The following INPP4B variants were observed in gnomAD, a reference collection of about 807,000 sequenced individuals.
The protein encoded by INPP4B is inositol polyphosphate 4-phosphatase type II.
A neutral mutation model predicts 122.5 loss-of-function variants in INPP4B; 55 were observed. The observed-to-expected ratio is 0.45, with a 90% CI of 0.36 to 0.56. The LOEUF is 0.56. Among genes scored for constraint, INPP4B ranks in the 20% least tolerant of loss-of-function variants. The probability of loss-of-function intolerance (pLI) is 0.00; values close to 1 mark genes in which losing one functional copy is unlikely to be tolerated. For synonymous variants in INPP4B, 403 were observed against 388.7 expected (o/e 1.04, Z -0.43); for missense variants, 1,000 against 1,097.7 (o/e 0.91, Z 1.26).
rs1012852443 is a variant in INPP4B at position 142,790,367 on chromosome 4, GA to G, written c.-254+55841del. Reference sequence around the variant, plus strand: ...TACAATGAACTCAAAAAATTAGCAAGAAAAAAAACAAACAATCCCATTAAAA... The same window carrying G: ...TACAATGAACTCAAAAAATTAGCAAGAAAAAAACAAACAATCCCATTAAAA... On this transcript the variant is annotated intron_variant, in intron 1 of 25. Transcript: ENST00000262992. Among the ~76,000 whole-genome samples the G allele has an allele frequency of 6.0e-5, 9 of 151,180 alleles. No individual in the cohort carries two copies. In the East Asian group the frequency reaches 1.6e-3, roughly 26 times the overall value.
chr4:142,699,122 C>T (rs1026062210), intron 2 of INPP4B, among the ~76,000 whole-genome samples: 2 of 152,228 alleles, frequency 1.3e-5, no homozygotes, highest in South Asian at 4.1e-4. Context: ...GTGGTCAGAA[C>T]TTTCTCTGGT....
chr4:142,548,126 A>C (rs1461167477), intron 2 of INPP4B, among the ~76,000 whole-genome samples: 1 of 152,184 alleles, frequency 6.6e-6, no homozygotes, highest in African/African-American at 2.4e-5. Context: ...TTGAAAGTAG[A>C]CAATCTCTCC....
At chr4:142,404,049 A>G (rs571036447) in intron 6 of INPP4B, among the ~76,000 whole-genome samples, 3,239 of 151,776 alleles carry the variant, frequency 0.021, 63 homozygotes, top group Middle Eastern at 0.048. Flanking sequence ...AAAATAACAG[A>G]ATTTTTAACT....
At chr4:142,492,512 C>A (rs1416816227) in intron 2 of INPP4B, among the ~76,000 whole-genome samples, 1 of 151,992 alleles carries the variant, frequency 6.6e-6, no homozygotes, top group African/African-American at 2.4e-5. Context: ...GACCAAAATG[C>A]GAATAGTGAT....
At chr4:142,622,774 T>C (rs1161757703) in intron 2 of INPP4B, among the ~76,000 whole-genome samples, 2 of 151,994 alleles carry the variant, frequency 1.3e-5, no homozygotes, top group Non-Finnish European at 2.9e-5. Context: ...TATTTTGTTA[T>C]TGTTAAAAAA....
intron 15 of INPP4B, 54 bp from the exon 16 acceptor site, chr4:142,173,863 C>T: frequency 7.2e-7 from 1 of 1,386,876 alleles, no homozygotes; most frequent in South Asian, 1.2e-5. Flanking sequence ...GAATGTTCAG[C>T]CCTTAATATC....
intron 1 of INPP4B, among the ~76,000 whole-genome samples, chr4:142,789,130 C>T (rs915934137): frequency 1.3e-5 from 2 of 152,014 alleles, no homozygotes; most frequent in Non-Finnish European, 2.9e-5. Flanking sequence ...CAACATAATA[C>T]CGACTGGGAA....
intron 2 of INPP4B, among the ~76,000 whole-genome samples, chr4:142,510,572 A>G (rs2149863262): frequency 6.6e-6 from 1 of 152,334 alleles, no homozygotes; most frequent in East Asian, 1.9e-4. Flanking sequence ...AAATATTTGT[A>G]GGTAGCTCAG....
intron 7 of INPP4B, among the ~76,000 whole-genome samples, chr4:142,321,767 G>A (rs1324306771): frequency 6.6e-6 from 1 of 151,870 alleles, no homozygotes; most frequent in Admixed American, 6.6e-5. Context: ...CTTTATTTCT[G>A]GGTTCTCTAT....
At chr4:142,713,570 C>T (rs182440349) in intron 2 of INPP4B, among the ~76,000 whole-genome samples, 2 of 152,312 alleles carry the variant, frequency 1.3e-5, no homozygotes, top group East Asian at 3.9e-4. Context: ...AGTGATTGAA[C>T]ATTCTCTGAA....
intron 24 of INPP4B, 23 bp downstream of exon 24, chr4:142,086,121 A>C (rs767287829): frequency 7.2e-7 from 1 of 1,390,194 alleles, no homozygotes; most frequent in East Asian, 2.3e-5. Context: ...GCAGGAAATA[A>C]GATTTGACAT....
At chr4:142,452,853 A>G (rs1814604413) in intron 3 of INPP4B, among the ~76,000 whole-genome samples, 1 of 152,176 alleles carries the variant, frequency 6.6e-6, no homozygotes, top group South Asian at 2.1e-4. Flanking sequence ...AAATATTGTG[A>G]AGCCTTGAGC....
rs191834954 is a variant in INPP4B, at chr4:142,032,287, G to A, written c.2643-3373C>T. On this transcript the variant is annotated intron_variant, in intron 25 of 25. Transcript: ENST00000262992. ...CCCAGGCTACCAGGGGCAGCAGAGAGGTAGGGAGGGAAGTGACCTGAACTA... is the reference window on the plus strand; with the variant it reads ...CCCAGGCTACCAGGGGCAGCAGAGAAGTAGGGAGGGAAGTGACCTGAACTA... Among the ~76,000 whole-genome samples, 202 of 152,236 alleles carry A rather than the reference G, an allele frequency of 1.3e-3. 5 individuals are homozygous for A. In the East Asian group the frequency reaches 0.034, roughly 26 times the overall value.
chr4:142,640,779 A>T (rs570246484), intron 2 of INPP4B, among the ~76,000 whole-genome samples: 1 of 148,654 alleles, frequency 6.7e-6, no homozygotes, highest in Non-Finnish European at 1.5e-5. Flanking sequence ...AAGCATTTTC[A>T]AAAAAAAAAG....
chr4:142,221,199 A>T (rs912663943), intron 12 of INPP4B, among the ~76,000 whole-genome samples: 1 of 152,024 alleles, frequency 6.6e-6, no homozygotes, highest in African/African-American at 2.4e-5. Context: ...GGAGATCGAG[A>T]CCATGCTGGC....
At chr4:142,602,955 G>A (rs750033114) in intron 2 of INPP4B, among the ~76,000 whole-genome samples, 9 of 151,836 alleles carry the variant, frequency 5.9e-5, no homozygotes, top group Non-Finnish European at 1.3e-4. Context: ...GACATGAATC[G>A]ACCTAAAAGC....
chr4:142,537,429 T>TATATAGAGAGAGAGAGAG (rs1200701380), intron 2 of INPP4B, among the ~76,000 whole-genome samples: 4 of 25,480 alleles, frequency 1.6e-4, no homozygotes, highest in Non-Finnish European at 2.7e-4. Context: ...TATATATATA[T>TATATAGAGAGAGAGAGAG]AGAGAGAGAG....
intron 12 of INPP4B, among the ~76,000 whole-genome samples, chr4:142,212,645 T>C (rs1007322508): frequency 1.3e-5 from 2 of 152,128 alleles, no homozygotes; most frequent in African/African-American, 4.8e-5. Flanking sequence ...AGATCACAGA[T>C]AGAACCAATC....
chr4:142,600,836 G>A (rs78825708), intron 2 of INPP4B, among the ~76,000 whole-genome samples: 1,808 of 152,128 alleles, frequency 0.012, 14 homozygotes, highest in Non-Finnish European at 0.018. Context: ...AAAGTAAAAG[G>A]TTGGAGAAGT....
Sources: gnomAD v4.1 joint callset for allele counts (sites outside exome capture counted in the v4.1 genomes callset) on GRCh38, gnomAD v4.1.1 for gene constraint, MANE v1.5 for transcripts, NCBI Gene and HGNC (gene_info 2026-07-23, HGNC 2026-07-21) for gene names.